PKD1L3: variants seen among roughly 807,000 people sequenced by gnomAD.
PKD1L3 encodes polycystin-1-like protein 3.
Under a neutral mutation model 184.1 loss-of-function variants are expected in PKD1L3, and 239 were observed. The ratio of observed to expected loss-of-function variants is 1.30; its 90% CI spans 1.17 to 1.45. The LOEUF is 1.45. PKD1L3 is among the 40% of genes most tolerant of loss of function. The pLI is 0.00. For synonymous variants in PKD1L3, 996 were observed against 778.8 expected, an observed-to-expected ratio of 1.28 and a Z score of -4.64; for missense variants, 2,660 against 2,067.2, an observed-to-expected ratio of 1.29 and a Z score of -5.56.
intron 28 of PKD1L3, among the ~76,000 whole-genome samples, chr16:71,931,486 T>TG (rs2037965278): frequency 6.8e-6 from 1 of 147,330 alleles, no homozygotes; most frequent in South Asian, 2.2e-4. Flanking sequence ...TTTTTTTTTT[T>TG]GAAATGGTCT....
chr16:71,964,505 G>A (rs28370955), intron 15 of PKD1L3, among the ~76,000 whole-genome samples: 59,777 of 150,074 alleles, frequency 0.4, 12,160 homozygotes, highest in African/African-American at 0.47. Flanking sequence ...CGCCCGGCTA[G>A]TTTTTGTATT....
At position 71,990,324 on chromosome 16, in the gene PKD1L3, C is replaced by T. The variant is rs1416787506; in HGVS notation, c.541G>A (p.Gly181Ser). 6.5e-7 allele frequency: 1 copy of T among 1,547,334 alleles called. No individual in the cohort carries two copies. The highest frequency in any genetic ancestry group is 2.5e-5 in the East Asian group (1 of 40,788). ...TAGTGACATGTGGTTGGAAGATGAC[C>T]AGGTCCTATAGAAAAAAGAAAGCAG... ...IARDKMPPGPGHLPTTCHYPL... is the reference protein window; with the variant it reads ...IARDKMPPGPSHLPTTCHYPL... Residue 181 changes from glycine (G) to serine (S), a missense_variant, in exon 4 of 30, where the codon GGT becomes AGT. Physicochemically the swap from Gly to Ser is moderately conservative, Grantham distance 56. Coordinates refer to ENST00000620267, the MANE Select transcript of PKD1L3 (RefSeq NM_181536.2).
intron 12 of PKD1L3, among the ~76,000 whole-genome samples, chr16:71,970,769 C>T (rs1332840437): frequency 6.6e-6 from 1 of 152,148 alleles, no homozygotes; most frequent in Non-Finnish European, 1.5e-5. Flanking sequence ...GATCACACCA[C>T]TGCATTCCAC....
chr16:71,973,535 T>G lies in PKD1L3; in HGVS notation c.1760-18A>C, dbSNP rs892773497. 1.9e-6 allele frequency: 3 copies of G among 1,539,642 alleles called. No homozygotes were observed. The highest frequency in any genetic ancestry group is 2.7e-5 in the African/African-American group (2 of 72,812). ...CTCCTCATCTTAGAACAAAGAAGAGTGCTTACTTGTATATCAAATGGAACA... is the reference window on the plus strand; with the variant it reads ...CTCCTCATCTTAGAACAAAGAAGAGGGCTTACTTGTATATCAAATGGAACA... On this transcript the variant is annotated intron_variant, in intron 11 of 29. Coordinates refer to ENST00000620267, the MANE Select transcript of PKD1L3 (RefSeq NM_181536.2).
chr16:71,930,256 A>G lies in PKD1L3; in HGVS notation c.4927-73T>C. 5 of 1,382,434 alleles carry G rather than the reference A, an allele frequency of 3.6e-6. No individual in the cohort carries two copies. In the South Asian group the frequency reaches 5.1e-5, roughly 14 times the overall value. 85.6% of individuals were successfully genotyped at this position (1,382,434 alleles called of 1,614,324 possible). ...ACTTTACAAACATAAGCTATATGCT[A>G]GTGTTTGGGATCTTATCAGAAGAAA... On this transcript the variant is annotated intron_variant, in intron 28 of 29. Transcript: ENST00000620267.
At chr16:71,989,947 G>A (rs1038109723) in intron 4 of PKD1L3, among the ~76,000 whole-genome samples, 4 of 151,804 alleles carry the variant, frequency 2.6e-5, no homozygotes, top group Non-Finnish European at 4.4e-5. Flanking sequence ...TGGTGGCGCA[G>A]GCCTGTAATC....
intron 2 of PKD1L3, among the ~76,000 whole-genome samples, chr16:71,997,281 G>GTT (rs138963813): frequency 2.0e-5 from 3 of 148,224 alleles, no homozygotes; most frequent in Admixed American, 6.7e-5. Context: ...TATGGTAGTT[G>GTT]TTTTTTTTTT....
intron 6 of PKD1L3, 55 bp downstream of exon 6, chr16:71,983,981 T>C (rs560849582): frequency 1.9e-6 from 3 of 1,539,938 alleles, no homozygotes; most frequent in Non-Finnish European, 1.8e-6. Context: ...TCTTTTTCTG[T>C]TTTCCGCTTT....
intron 4 of PKD1L3, 61 bp downstream of exon 4, chr16:71,990,219 C>T (rs1055738893): frequency 2.2e-6 from 3 of 1,371,178 alleles, no homozygotes; most frequent in Admixed American, 2.0e-5. Context: ...CTAACCAGAT[C>T]TACTAGGTAT....
At chr16:71,974,258 A>G (rs1175300624) in intron 11 of PKD1L3, among the ~76,000 whole-genome samples, 3 of 152,168 alleles carry the variant, frequency 2.0e-5, no homozygotes, top group Non-Finnish European at 2.9e-5. Flanking sequence ...GTAGGGGCTA[A>G]GGTGAGTCAT....
intron 19 of PKD1L3, among the ~76,000 whole-genome samples, chr16:71,951,278 A>G (rs1451118283): frequency 4.0e-5 from 6 of 151,308 alleles, no homozygotes; most frequent in African/African-American, 9.7e-5. Context: ...GACCTCAGGT[A>G]ATCTGCCCAC....
At position 71,944,085 on chromosome 16, in the gene PKD1L3, G is replaced by A. The variant is rs797005036; in HGVS notation, c.3804C>T (p.His1268=). 5 of 1,552,038 alleles carry A rather than the reference G, an allele frequency of 3.2e-6. No individual in the cohort carries two copies. In the Admixed American group the frequency reaches 7.8e-5, roughly 24 times the overall value. Residue 1268 remains histidine, a synonymous_variant, in exon 23 of 30, where the codon CAC becomes CAT. Coordinates refer to ENST00000620267, the MANE Select transcript of PKD1L3 (RefSeq NM_181536.2). ...VAPAINSPTK[H]PERTLKKKKL... ...TCTTCTTTTTCAAGGTTCTTTCTGG[G>A]TGCTTAGTTGGACTATTTATAGCTG...
chr16:71,960,731 T>C (rs745349999), intron 16 of PKD1L3, among the ~76,000 whole-genome samples: 2 of 151,944 alleles, frequency 1.3e-5, no homozygotes, highest in Non-Finnish European at 1.5e-5. Context: ...CAAAAATGAG[T>C]ATGTTTGAAT....
rs1196908653 is a variant in PKD1L3 at position 71,982,145 on chromosome 16, G to A, written c.1057C>T (p.Pro353Ser). Residue 353 changes from proline to serine, a missense_variant, in exon 7 of 30, where the codon CCA becomes TCA. Pro to Ser is a moderately conservative substitution (Grantham distance 74). Coordinates refer to ENST00000620267, the MANE Select transcript of PKD1L3 (RefSeq NM_181536.2). ...AGGGAATGAAAGGGGCAGACAGTTG[G>A]AGGAACTTTGAAGCCCAGACTGTTG... is the stretch of plus-strand genomic sequence containing the variant. ...NNNSLGFKVP[P>S]TVCPFHSLNN... The A allele has an allele frequency of 4.5e-6, 7 of 1,551,926 alleles. No homozygotes were observed. In the South Asian group the frequency reaches 5.9e-5, roughly 13 times the overall value.
At chr16:71,944,002 T>C (rs1004933983) in intron 23 of PKD1L3, 28 bp downstream of exon 23, 37 of 1,540,926 alleles carry the variant, frequency 2.4e-5, no homozygotes, top group African/African-American at 2.8e-5. Flanking sequence ...TGCTGTGTTA[T>C]CAGTATGTTG....
intron 15 of PKD1L3, among the ~76,000 whole-genome samples, chr16:71,966,909 A>G (rs904026394): frequency 8.5e-5 from 13 of 152,208 alleles, no homozygotes; most frequent in Non-Finnish European, 1.3e-4. Context: ...AAATGAGATT[A>G]GAGAAAACAA....
chr16:71,937,478 T>G, intron 24 of PKD1L3, 59 bp from the exon 25 acceptor site: 26 of 1,522,950 alleles, frequency 1.7e-5, no homozygotes, highest in Non-Finnish European at 2.3e-5. Flanking sequence ...CTCTTCTTGT[T>G]AAACTTTGTC....
intron 3 of PKD1L3, 109 bp from the exon 4 acceptor site, chr16:71,990,438 C>A: frequency 2.2e-6 from 2 of 925,118 alleles, no homozygotes; most frequent in Non-Finnish European, 3.2e-6. Flanking sequence ...AATTGTTTTA[C>A]ATAGAAAACC....
chr16:71,934,789 GAA>G (rs756232031), intron 26 of PKD1L3, among the ~76,000 whole-genome samples: 14 of 152,276 alleles, frequency 9.2e-5, no homozygotes, highest in Admixed American at 6.5e-4. Context: ...AATGCCTCAG[GAA>G]AAGTTACACA....
Sources: allele counts gnomAD v4.1 joint callset (sites outside exome capture counted in the v4.1 genomes callset), GRCh38; gene constraint gnomAD v4.1.1; transcripts MANE v1.5; gene names NCBI Gene and HGNC (gene_info 2026-07-23, HGNC 2026-07-21).